The following AKAP10 variants were observed in gnomAD, a reference collection of about 807,000 sequenced individuals.
AKAP10 encodes A-kinase anchor protein 10, mitochondrial.
In AKAP10, 24 loss-of-function variants were observed where a neutral mutation model predicts 80.8. The observed-to-expected ratio is 0.30, with a 90% CI of 0.22 to 0.42. The LOEUF (loss-of-function observed/expected upper bound fraction) is 0.42, where lower values mean the gene tolerates loss of function less well. Ranked by LOEUF, AKAP10 falls within the 10% of genes least tolerant of loss-of-function variation. AKAP10 has a pLI of 1.00. For missense variants in AKAP10, 661 were observed against 794.9 expected (o/e 0.83, Z 2.03); for synonymous variants, 291 against 277.7 (o/e 1.05, Z -0.48).
intron 10 of AKAP10, among the ~76,000 whole-genome samples, chr17:19,927,944 G>A (rs1406808086): frequency 1.3e-5 from 2 of 151,706 alleles, no homozygotes. Context: ...TCTAGGCTGG[G>A]CCCAATGGCT....
chr17:19,919,292 A>G (rs956370499), intron 12 of AKAP10, among the ~76,000 whole-genome samples: 5 of 152,252 alleles, frequency 3.3e-5, no homozygotes, highest in Admixed American at 3.3e-4. Flanking sequence ...TCCATGGTGT[A>G]TATGTGCCAC....
chr17:19,938,330 G>A lies in AKAP10; in HGVS notation c.1322+1383C>T, dbSNP rs150357448. 1.6e-4 allele frequency among the ~76,000 whole-genome samples: 24 copies of A among 151,376 alleles called. No homozygotes were observed. The East Asian group carries it at 2.7e-3, about 17-fold the overall frequency. Reference sequence around the variant, plus strand: ...CCGCTCACTGCAACCTCCACCTCCCGGGCTCGAGCAATTCTCCTTCCTCAG... The same window carrying A: ...CCGCTCACTGCAACCTCCACCTCCCAGGCTCGAGCAATTCTCCTTCCTCAG... On this transcript the variant is annotated intron_variant, in intron 8 of 14. Coordinates refer to ENST00000225737, the MANE Select transcript of AKAP10 (RefSeq NM_007202.4).
chr17:19,915,092 T>C (rs1292971797), intron 12 of AKAP10, among the ~76,000 whole-genome samples: 1 of 152,210 alleles, frequency 6.6e-6, no homozygotes, highest in Non-Finnish European at 1.5e-5. Flanking sequence ...AAGGCACCTC[T>C]TTCTTCTCAT....
At chr17:19,929,318 T>C (rs969392062) in intron 10 of AKAP10, 3 of 152,188 alleles carry the variant, frequency 2.0e-5, no homozygotes, top group Admixed American at 6.5e-5. Flanking sequence ...TAAAAACCAC[T>C]GAATTGTATG....
chr17:19,946,204 T>A (rs1243856039), intron 5 of AKAP10, among the ~76,000 whole-genome samples: 1,306 of 46,218 alleles, frequency 0.028, 114 homozygotes, highest in African/African-American at 0.1. Context: ...ATACATATAT[T>A]TTATATATAT....
At chr17:19,976,969 T>G (rs1357596057) in intron 1 of AKAP10, among the ~76,000 whole-genome samples, 1 of 152,070 alleles carries the variant, frequency 6.6e-6, no homozygotes, top group African/African-American at 2.4e-5. Flanking sequence ...ACGTAAACAT[T>G]GGGCAGGTAA....
At chr17:19,970,900 CTTTTTA>C (rs925348583) in intron 1 of AKAP10, among the ~76,000 whole-genome samples, 7 of 151,818 alleles carry the variant, frequency 4.6e-5, no homozygotes, top group African/African-American at 9.7e-5. Context: ...CATACAAATA[CTTTTTA>C]TTTTTATTTT....
At chr17:19,928,641 C>T (rs961025822) in intron 10 of AKAP10, among the ~76,000 whole-genome samples, 3 of 152,170 alleles carry the variant, frequency 2.0e-5, no homozygotes, top group African/African-American at 7.2e-5. Context: ...CTTTGGGAGG[C>T]CGAGATGGGT....
In AKAP10 at chr17:19,909,288, A is replaced by C; in HGVS notation, c.1888-12T>G. The C allele has an allele frequency of 6.2e-7, 1 of 1,605,342 alleles. No homozygotes were observed. On this transcript the variant is annotated splice_polypyrimidine_tract_variant and intron_variant, in intron 13 of 14. Transcript: ENST00000225737. Reference sequence around the variant, plus strand: ...AGCTCTTCCTGGGCCTAAAGAAAATAATTTAAACTGGTGATAATGGTTATT... The same window carrying C: ...AGCTCTTCCTGGGCCTAAAGAAAATCATTTAAACTGGTGATAATGGTTATT...
rs2042623239 is a variant in AKAP10, at chr17:19,905,455, G to C, written c.*772C>G. 6.6e-6 allele frequency: 1 copy of C among 152,254 alleles called. No homozygotes were observed. The highest frequency in any genetic ancestry group is 2.4e-5 in the African/African-American group (1 of 41,420). The allele number at this position is 152,254 out of a possible 1,614,324, so 9.4% of individuals were successfully genotyped here. On this transcript the variant is annotated 3_prime_UTR_variant, in exon 15 of 15. Coordinates refer to ENST00000225737, the MANE Select transcript of AKAP10 (RefSeq NM_007202.4). ...TCTTTCTTTCCACATGTATTCTGAA[G>C]GGAAAGTTAAGTAACTGGAGTGCAG...
At chr17:19,946,249 ATATATATATATATATATATATATATATTT>A (rs2043117780) in intron 5 of AKAP10, among the ~76,000 whole-genome samples, 3 of 16,976 alleles carry the variant, frequency 1.8e-4, no homozygotes, top group African/African-American at 1.0e-3. Flanking sequence ...ATATATATAT[ATATATATATATATATATATATATATATTT>A]TTTTTTTTTT....
chr17:19,932,231 A>G (rs769156109), intron 9 of AKAP10, among the ~76,000 whole-genome samples: 12 of 152,028 alleles, frequency 7.9e-5, no homozygotes, highest in Non-Finnish European at 1.3e-4. Context: ...CAGACGGATC[A>G]CTTGAGACCA....
chr17:19,909,900 C>A (rs1309364769), intron 13 of AKAP10, 26 bp downstream of exon 13: 1 of 1,609,414 alleles, frequency 6.2e-7, no homozygotes, highest in Non-Finnish European at 8.5e-7. Context: ...AAACAGAAAT[C>A]TTTTTATCCT....
At chr17:19,940,785 T>C (rs1426193686) in intron 7 of AKAP10, 102 bp downstream of exon 7, 1 of 1,323,884 alleles carries the variant, frequency 7.6e-7, no homozygotes, top group Non-Finnish European at 9.9e-7. Context: ...TTTTTGGAAA[T>C]GACTTGGCTC....
At chr17:19,958,687 C>G in intron 3 of AKAP10, 116 bp from the exon 4 acceptor site, 1 of 810,984 alleles carries the variant, frequency 1.2e-6, no homozygotes, top group Non-Finnish European at 1.9e-6. Context: ...AAGTTTACTT[C>G]CTAGCAACTA....
chr17:19,948,651 G>A (rs529829200), intron 4 of AKAP10, among the ~76,000 whole-genome samples: 7 of 152,250 alleles, frequency 4.6e-5, no homozygotes, highest in South Asian at 4.1e-4. Flanking sequence ...ACAGGAAAGG[G>A]ATAAAGGGAG....
chr17:19,910,021 T>C (rs1394481222), intron 12 of AKAP10, 43 bp from the exon 13 acceptor site: 3 of 1,589,302 alleles, frequency 1.9e-6, no homozygotes, highest in Admixed American at 3.3e-5. Context: ...TCATGCATAA[T>C]TTTACATTAA....
chr17:19,956,090 A>G (rs2043272192), intron 4 of AKAP10, among the ~76,000 whole-genome samples: 1 of 152,134 alleles, frequency 6.6e-6, no homozygotes, highest in Non-Finnish European at 1.5e-5. Flanking sequence ...GAGCATATTA[A>G]TACTCCAGCA....
At chr17:19,931,374 G>A (rs564352789) in intron 10 of AKAP10, among the ~76,000 whole-genome samples, 2 of 151,420 alleles carry the variant, frequency 1.3e-5, no homozygotes, top group East Asian at 1.9e-4. Context: ...ATAGTAAGTA[G>A]GCTAATTTTA....
Sources: allele counts gnomAD v4.1 joint callset (sites outside exome capture counted in the v4.1 genomes callset), GRCh38; gene constraint gnomAD v4.1.1; transcripts MANE v1.5; gene names NCBI Gene and HGNC (gene_info 2026-07-23, HGNC 2026-07-21).